Variants in CALD1 observed in about 807,000 individuals in gnomAD.
The protein encoded by CALD1 is caldesmon.
Under a neutral mutation model 99.9 loss-of-function variants are expected in CALD1, and 33 were observed. The observed-to-expected ratio is 0.33, with a 90% CI of 0.25 to 0.44. CALD1 has a LOEUF of 0.44. Ranked by LOEUF, CALD1 falls within the 20% of genes least tolerant of loss-of-function variation. The probability of loss-of-function intolerance (pLI) is 1.00; values close to 1 mark genes in which losing one functional copy is unlikely to be tolerated. For synonymous variants in CALD1, 310 were observed against 325.0 expected (o/e 0.95, Z 0.50); for missense variants, 861 against 962.1 (o/e 0.89, Z 1.39).
chr7:134,897,199 G>T (rs573841159), intron 3 of CALD1, among the ~76,000 whole-genome samples: 1 of 152,074 alleles, frequency 6.6e-6, no homozygotes, highest in Non-Finnish European at 1.5e-5. Context: ...TACTGACTGA[G>T]CATTAAGAAC....
chr7:134,960,266 A>C, intron 12 of CALD1, 155 bp downstream of exon 12: 2 of 881,940 alleles, frequency 2.3e-6, no homozygotes, highest in South Asian at 3.4e-5. Context: ...GCTCAGAGAG[A>C]ATGTGTTTGT....
chr7:134,893,070 G>A (rs191675721), intron 3 of CALD1, among the ~76,000 whole-genome samples: 1 of 152,288 alleles, frequency 6.6e-6, no homozygotes, highest in Admixed American at 6.5e-5. Context: ...AGCCCAGTCT[G>A]GCTGGCTGTC....
At chr7:134,950,620 C>G in intron 9 of CALD1, 106 bp downstream of exon 9, 1 of 936,598 alleles carries the variant, frequency 1.1e-6, no homozygotes, top group Non-Finnish European at 1.7e-6. Flanking sequence ...TATCTTTTTG[C>G]TATCCTTCCA....
At chr7:134,789,465 G>C (rs1585937615) in intron 1 of CALD1, among the ~76,000 whole-genome samples, 1 of 152,206 alleles carries the variant, frequency 6.6e-6, no homozygotes, top group African/African-American at 2.4e-5. Flanking sequence ...AGGAGAACTT[G>C]AGTTTGAATC....
At chr7:134,961,518 G>C (rs1257422530) in intron 13 of CALD1, 1 of 152,092 alleles carries the variant, frequency 6.6e-6, no homozygotes, top group Non-Finnish European at 1.5e-5. Flanking sequence ...GCATTTGTTG[G>C]CTCCATATAT....
the CALD1 span, among the ~76,000 whole-genome samples, chr7:134,731,120 C>T: frequency 0.026 from 3,896 of 152,242 alleles, 80 homozygotes; most frequent in Non-Finnish European, 0.038. Flanking sequence ...AACATCTCCT[C>T]CTGCCTGCCT....
intron 1 of CALD1, among the ~76,000 whole-genome samples, chr7:134,834,992 AACAG>A (rs1456006657): frequency 1.3e-5 from 2 of 152,202 alleles, no homozygotes; most frequent in East Asian, 1.9e-4. Flanking sequence ...GGTGATGATG[AACAG>A]ACAGAGTGAG....
chr7:134,842,929 G>T (rs1262385400), intron 1 of CALD1, among the ~76,000 whole-genome samples: 1 of 152,098 alleles, frequency 6.6e-6, no homozygotes, highest in Non-Finnish European at 1.5e-5. Flanking sequence ...ATTACACCTT[G>T]GTTCTCCTAT....
At chr7:134,819,595 T>C (rs1267305887) in intron 1 of CALD1, among the ~76,000 whole-genome samples, 1 of 152,242 alleles carries the variant, frequency 6.6e-6, no homozygotes, top group African/African-American at 2.4e-5. Flanking sequence ...TAACTATCTT[T>C]ACAACCTCAA....
At chr7:134,824,807 AG>A (rs1295427726) in intron 1 of CALD1, among the ~76,000 whole-genome samples, 1 of 152,196 alleles carries the variant, frequency 6.6e-6, no homozygotes, top group Non-Finnish European at 1.5e-5. Flanking sequence ...TCTCAACAGA[AG>A]GGTTAAAAGA....
chr7:134,823,431 A>T (rs1361323082), intron 1 of CALD1, among the ~76,000 whole-genome samples: 1 of 152,220 alleles, frequency 6.6e-6, no homozygotes, highest in Non-Finnish European at 1.5e-5. Context: ...TAGATAAAGC[A>T]TGGAGATTTT....
At chr7:134,827,211 T>G (rs999514939) in intron 1 of CALD1, among the ~76,000 whole-genome samples, 20 of 152,156 alleles carry the variant, frequency 1.3e-4, no homozygotes, top group Admixed American at 8.5e-4. Context: ...GTTTTGACAT[T>G]AGTTTTTCTT....
At chr7:134,821,189 G>A (rs1798758883) in intron 1 of CALD1, among the ~76,000 whole-genome samples, 1 of 150,674 alleles carries the variant, frequency 6.6e-6, no homozygotes, top group Non-Finnish European at 1.5e-5. Context: ...AAAAGTAAGT[G>A]TACAAATTTC....
chr7:134,840,090 T>C (rs1007524274), intron 1 of CALD1, among the ~76,000 whole-genome samples: 2 of 152,198 alleles, frequency 1.3e-5, no homozygotes, highest in African/African-American at 4.8e-5. Flanking sequence ...AGTTTTTTTA[T>C]TTTTATGTCC....
chr7:134,953,686 G>T (rs1342681231), intron 9 of CALD1, among the ~76,000 whole-genome samples: 4 of 121,366 alleles, frequency 3.3e-5, no homozygotes, highest in Admixed American at 1.9e-4. Flanking sequence ...TTTTTCAGGA[G>T]AAACTACAAC....
intron 2 of CALD1, among the ~76,000 whole-genome samples, chr7:134,857,375 T>G (rs962288973): frequency 6.6e-6 from 1 of 151,794 alleles, no homozygotes; most frequent in African/African-American, 2.4e-5. Flanking sequence ...TTCACCGTGG[T>G]CTTGATCTCC....
intron 13 of CALD1, among the ~76,000 whole-genome samples, chr7:134,964,648 T>C (rs1181745153): frequency 2.0e-5 from 3 of 151,894 alleles, no homozygotes; most frequent in Admixed American, 6.6e-5. Flanking sequence ...TGCACTAAAG[T>C]AGTAAGGGCT....
chr7:134,951,128 G>A (rs1452778738), intron 9 of CALD1, among the ~76,000 whole-genome samples: 2 of 152,128 alleles, frequency 1.3e-5, no homozygotes, highest in African/African-American at 4.8e-5. Flanking sequence ...TTTTATAAGG[G>A]CACTAGTCCC....
chr7:134,952,661 G>A (rs1807446500), intron 9 of CALD1, among the ~76,000 whole-genome samples: 1 of 151,886 alleles, frequency 6.6e-6, no homozygotes, highest in Non-Finnish European at 1.5e-5. Context: ...AGTAGAGACA[G>A]GGTTTCACCA....
Sources: gnomAD v4.1 joint callset for allele counts (sites outside exome capture counted in the v4.1 genomes callset) on GRCh38, gnomAD v4.1.1 for gene constraint, MANE v1.5 for transcripts, NCBI Gene and HGNC (gene_info 2026-07-23, HGNC 2026-07-21) for gene names.